The following LAMC2 variants were observed in gnomAD, a reference collection of about 807,000 sequenced individuals.
LAMC2 encodes the protein laminin subunit gamma-2.
A neutral mutation model predicts 140.2 loss-of-function variants in LAMC2; 97 were observed. That is an observed-to-expected ratio of 0.69 (90% confidence interval 0.59 to 0.82). The LOEUF is 0.82. Ranked by LOEUF, LAMC2 falls within the 40% of genes least tolerant of loss-of-function variation. The pLI is 0.00. For synonymous variants in LAMC2, 513 were observed against 540.2 expected (o/e 0.95, Z 0.70); for missense variants, 1,402 against 1,476.1 (o/e 0.95, Z 0.82).
intron 2 of LAMC2, among the ~76,000 whole-genome samples, chr1:183,208,987 T>G (rs1289601068): frequency 9.2e-5 from 14 of 151,472 alleles, no homozygotes; most frequent in Admixed American, 9.2e-4. Flanking sequence ...CTAGTTGTTT[T>G]TTTTTTTTTT....
chr1:183,247,905 A>T (rs931481700), downstream of LAMC2, among the ~76,000 whole-genome samples: 1 of 152,274 alleles, frequency 6.6e-6, no homozygotes, highest in African/African-American at 2.4e-5. Context: ...TTTCACAAAT[A>T]TAATTTTATT....
At chr1:183,194,112 G>A (rs1658436022) in intron 1 of LAMC2, among the ~76,000 whole-genome samples, 1 of 152,136 alleles carries the variant, frequency 6.6e-6, no homozygotes, top group Admixed American at 6.6e-5. Flanking sequence ...TAGAGATGGA[G>A]TTTTGCCATG....
intron 1 of LAMC2, among the ~76,000 whole-genome samples, chr1:183,198,414 A>G (rs1415114265): frequency 7.2e-5 from 11 of 152,084 alleles, no homozygotes. Flanking sequence ...AAGTGCTGGG[A>G]TTATAGGCGT....
chr1:183,234,758 A>C (rs780602134), intron 15 of LAMC2, among the ~76,000 whole-genome samples: 1 of 152,206 alleles, frequency 6.6e-6, no homozygotes, highest in Non-Finnish European at 1.5e-5. Flanking sequence ...AGCCCTTGGA[A>C]GAGAAAGCTC....
chr1:183,193,735 AG>A (rs1158458049), intron 1 of LAMC2, among the ~76,000 whole-genome samples: 7 of 152,320 alleles, frequency 4.6e-5, no homozygotes, highest in African/African-American at 1.7e-4. Context: ...TGCAGGGAGC[AG>A]GGGAGAGGCC....
rs116406068 is a variant in LAMC2, at chr1:183,194,294, C to T, written c.79+7863C>T. Among the ~76,000 whole-genome samples, 94 of 151,440 alleles carry T rather than the reference C, an allele frequency of 6.2e-4. 1 individual carries two copies. Among genetic ancestry groups the T allele is most frequent in the African/African-American group, 2.2e-3 (89 of 41,338 alleles). ...CTGTAAGTAAGATGCTATAAATGCA[C>T]GCCATGCATATTTTCCCAACATTGC... On this transcript the variant is annotated intron_variant, in intron 1 of 22. Transcript: ENST00000264144.
chr1:183,190,726 T>A lies in LAMC2; in HGVS notation c.79+4295T>A, dbSNP rs1035755874. Among the ~76,000 whole-genome samples, 98 of 152,184 alleles carry A rather than the reference T, an allele frequency of 6.4e-4. 4 individuals carry two copies. The highest frequency in any genetic ancestry group is 1.5e-5 in the Non-Finnish European group (1 of 68,030). ...ATTTAGTAAATTAATTACACAGATA[T>A]ATTGAAAGTCACATAATTGATAAAA... On this transcript the variant is annotated intron_variant, in intron 1 of 22. Coordinates refer to ENST00000264144, the MANE Select transcript of LAMC2 (RefSeq NM_005562.3).
Position 183,225,658 on chromosome 1 carries a change from A to C in LAMC2, c.1004A>C (p.Glu335Ala). The change falls in exon 8 of 23, where the codon GAG becomes GCG. Residue 335 changes from glutamate (E) to alanine (A), a missense_variant. This residue lies in a region of LAMC2 where 723 missense variants were observed against 783.3 expected (regional missense o/e 0.92). Transcript: ENST00000264144. ...TGGAGCCCCCAGCTGAGTTACTTTG[A>C]GTATCGAAGGTTACTGCGGAATCTC... ...NNWSPQLSYF[E>A]YRRLLRNLTA... The C allele has an allele frequency of 2.5e-6, 4 of 1,614,120 alleles. No homozygotes were observed. The highest frequency in any genetic ancestry group is 1.1e-5 in the South Asian group (1 of 91,092).
In LAMC2 at chr1:183,228,104, A is replaced by G. The variant is rs901503542; in HGVS notation, c.1469-270A>G. 6.6e-6 allele frequency among the ~76,000 whole-genome samples: 1 copy of G among 152,092 alleles called. No individual in the cohort carries two copies. The highest frequency in any genetic ancestry group is 1.5e-5 in the Non-Finnish European group (1 of 68,014). ...AGCAGTTTTGGGGGTATTGCTCAAA[A>G]CCTTACTACTTCTGTGGAGCTGCCT... On this transcript the variant is annotated intron_variant, in intron 10 of 22. Transcript: ENST00000264144. This position sits in a 1 kb window ranked among gnomAD's most constrained non-coding sequence, Gnocchi z 4.3.
chr1:183,231,165 G>A (rs891552446), intron 12 of LAMC2, 62 bp downstream of exon 12: 12 of 1,595,958 alleles, frequency 7.5e-6, no homozygotes, highest in Non-Finnish European at 8.6e-6. Context: ...GTGTCCACTG[G>A]GTGGTTCTGT....
chr1:183,207,160 G>A (rs1199928525), intron 1 of LAMC2, among the ~76,000 whole-genome samples: 1 of 152,134 alleles, frequency 6.6e-6, no homozygotes, highest in East Asian at 1.9e-4. Context: ...CTCTCTCTCC[G>A]AGACCATGAC....
intron 2 of LAMC2, among the ~76,000 whole-genome samples, chr1:183,212,668 C>T (rs1659108754): frequency 6.6e-6 from 1 of 152,194 alleles, no homozygotes; most frequent in Admixed American, 6.5e-5. Flanking sequence ...AGATCTTCAT[C>T]TCTAGACTCT....
chr1:183,231,262 C>T (rs1401219931), intron 12 of LAMC2, among the ~76,000 whole-genome samples, 159 bp downstream of exon 12: 1 of 152,114 alleles, frequency 6.6e-6, no homozygotes, highest in African/African-American at 2.4e-5. Context: ...TAAAAAAATT[C>T]TGTATAATGA....
intron 16 of LAMC2, 69 bp from the exon 17 acceptor site, chr1:183,236,388 CAAA>C (rs34154823): frequency 0.087 from 91,883 of 1,060,888 alleles, 16 homozygotes; most frequent in East Asian, 0.11. Flanking sequence ...AACCCTGTCT[CAAA>C]AAAAAAAAAA....
At chr1:183,236,313 TG>T in intron 16 of LAMC2, 146 bp from the exon 17 acceptor site, 1 of 718,960 alleles carries the variant, frequency 1.4e-6, no homozygotes, top group Non-Finnish European at 2.3e-6. Flanking sequence ...TGCTTGAGCG[TG>T]GGAGGATGAG....
chr1:183,255,627 A>AT, the LAMC2 span, among the ~76,000 whole-genome samples: 1 of 137,552 alleles, frequency 7.3e-6, no homozygotes, highest in Non-Finnish European at 1.6e-5. Context: ...CAGTGTACAG[A>AT]TTTTTCACTT....
chr1:183,228,249 C>G lies in LAMC2; in HGVS notation c.1469-125C>G. ...CATGCCTGCTCCTGAGGGCTTTGTTCTGGGGTCCCTAGGGAAGCACATTTC... is the reference window on the plus strand; with the variant it reads ...CATGCCTGCTCCTGAGGGCTTTGTTGTGGGGTCCCTAGGGAAGCACATTTC... On this transcript the variant is annotated intron_variant, in intron 10 of 22. Transcript: ENST00000264144. This position sits in a 1 kb window ranked among gnomAD's most constrained non-coding sequence, Gnocchi z 4.3. 7.7e-7 allele frequency: 1 copy of G among 1,298,974 alleles called. No individual in the cohort carries two copies. The highest frequency in any genetic ancestry group is 1.1e-6 in the Non-Finnish European group (1 of 911,742). The allele number at this position is 1,298,974 out of a possible 1,614,324, so 80.5% of individuals were successfully genotyped here. A position where few individuals can be genotyped will look rare whatever the true frequency, so the allele number is the denominator to read the frequency against.
At chr1:183,232,503 T>C in intron 13 of LAMC2, 149 bp from the exon 14 acceptor site, 1 of 1,068,604 alleles carries the variant, frequency 9.4e-7, no homozygotes, top group Non-Finnish European at 1.4e-6. Flanking sequence ...CCCCCTGGGA[T>C]CTGAATGATG....
At chr1:183,217,063 G>T (rs1009951039) in intron 3 of LAMC2, among the ~76,000 whole-genome samples, 2 of 152,156 alleles carry the variant, frequency 1.3e-5, no homozygotes, top group African/African-American at 4.8e-5. Context: ...GATTGGCAAA[G>T]AAATTCCAGC....
Sources: gnomAD v4.1 joint callset for allele counts (sites outside exome capture counted in the v4.1 genomes callset) on GRCh38, gnomAD v4.1.1 for gene constraint, gnomAD v4.1.1 regional missense constraint, Gnocchi (gnomAD v3.1) non-coding constraint, MANE v1.5 for transcripts, NCBI Gene and HGNC (gene_info 2026-07-23, HGNC 2026-07-21) for gene names.